The following ANXA13 variants were observed in gnomAD, a reference collection of about 807,000 sequenced individuals.
ANXA13 encodes the protein annexin XIII.
A neutral mutation model predicts 46.6 loss-of-function variants in ANXA13; 36 were observed. The ratio of observed to expected loss-of-function variants is 0.77; its 90% CI spans 0.59 to 1.02. ANXA13 has a LOEUF of 1.02. ANXA13 is among the 50% of genes least tolerant of loss of function. The pLI is 0.00. For synonymous variants in ANXA13, 163 were observed against 152.9 expected (o/e 1.07, Z -0.49); for missense variants, 417 against 396.5 (o/e 1.05, Z -0.44).
intron 10 of ANXA13, among the ~76,000 whole-genome samples, chr8:123,684,070 T>C (rs892651278): frequency 6.6e-6 from 1 of 152,228 alleles, no homozygotes; most frequent in Admixed American, 6.5e-5. Flanking sequence ...GTATTATCTC[T>C]GGTGTTAACA....
At chr8:123,684,827 G>T in intron 9 of ANXA13, 105 bp from the exon 10 acceptor site, 3 of 779,070 alleles carry the variant, frequency 3.9e-6, no homozygotes, top group Non-Finnish European at 4.5e-6. Context: ...TGACTGGATG[G>T]TGAGACAGAG....
chr8:123,683,694 C>A (rs986664444), intron 10 of ANXA13, among the ~76,000 whole-genome samples: 2 of 149,906 alleles, frequency 1.3e-5, no homozygotes, highest in African/African-American at 4.9e-5. Context: ...TCAAGCAATT[C>A]TCATGCCTCA....
At chr8:123,730,066 C>A (rs1814084531) in intron 1 of ANXA13, among the ~76,000 whole-genome samples, 1 of 152,182 alleles carries the variant, frequency 6.6e-6, no homozygotes, top group African/African-American at 2.4e-5. Flanking sequence ...TGACTCAGAT[C>A]TACCTTCTCC....
At chr8:123,718,863 C>G (rs1165464853) in intron 1 of ANXA13, among the ~76,000 whole-genome samples, 1 of 152,214 alleles carries the variant, frequency 6.6e-6, no homozygotes, top group East Asian at 1.9e-4. Context: ...TGCAACAGAG[C>G]AGATTGCCCA....
chr8:123,735,886 T>TA lies in ANXA13; in HGVS notation c.15+1433dup, dbSNP rs201099803. The TA allele has an allele frequency of 4.1e-4, 633 of 1,552,346 alleles. 1 individual carries two copies. Among genetic ancestry groups the TA allele is most frequent in the Middle Eastern group, 1.4e-3 (8 of 5,792 alleles). The stretch of plus-strand genomic sequence containing the variant: ...AGGGTGTACGACTGGCTCTGAGGAT[T>TA]AAAAAAAAATACATAAAAATGCTGG... On this transcript the variant is annotated intron_variant, in intron 1 of 10. Coordinates refer to ENST00000419625, the MANE Select transcript of ANXA13 (RefSeq NM_004306.4).
intron 1 of ANXA13, 138 bp downstream of exon 1, chr8:123,737,182 G>A: frequency 1.2e-6 from 1 of 834,666 alleles, no homozygotes; most frequent in Non-Finnish European, 1.9e-6. Flanking sequence ...TAAAAGCATG[G>A]TATGCTGTTG....
At position 123,704,409 on chromosome 8, in the gene ANXA13, A is replaced by T. The variant is rs1036585966; in HGVS notation, c.92-1673T>A. On this transcript the variant is annotated intron_variant, in intron 2 of 10. Transcript: ENST00000419625. ...CATTTGAATTCTGCAGTCGGGAATT[A>T]TTTTTTTTTTTTGAGACAGGGTCTG... Among the ~76,000 whole-genome samples the T allele has an allele frequency of 4.1e-5, 6 of 146,556 alleles. No homozygotes were observed. The South Asian group carries it at 6.5e-4, about 16-fold the overall frequency.
intron 1 of ANXA13, among the ~76,000 whole-genome samples, chr8:123,729,698 C>T (rs1310382398): frequency 1.3e-5 from 2 of 152,082 alleles, no homozygotes; most frequent in Non-Finnish European, 2.9e-5. Flanking sequence ...AGCTTGGGTC[C>T]CTAATGATGT....
chr8:123,693,866 AGAGGT>A, intron 6 of ANXA13, 87 bp from the exon 7 acceptor site: 7 of 1,241,362 alleles, frequency 5.6e-6, no homozygotes, highest in Non-Finnish European at 8.2e-6. Context: ...TCCTGGAGAA[AGAGGT>A]GAATTCTTTC....
In ANXA13 at chr8:123,681,258, T is replaced by C; in HGVS notation, c.933A>G (p.Leu311=). Residue 311 remains leucine (L), a synonymous_variant, in exon 11 of 11, where the codon CTA becomes CTG. Coordinates refer to ENST00000419625, the MANE Select transcript of ANXA13 (RefSeq NM_004306.4). ...SDTSGDFRKL[L]VALLH is the part of the protein sequence containing the mutation. ...GCTTGGCTCAGTGCAAGAGGGCTACTAGCAGTTTCCGGAAGTCCCCGGAGG... is the reference window on the plus strand; with the variant it reads ...GCTTGGCTCAGTGCAAGAGGGCTACCAGCAGTTTCCGGAAGTCCCCGGAGG... 1 of 1,614,014 alleles carries C rather than the reference T, an allele frequency of 6.2e-7. No homozygotes were observed. Among genetic ancestry groups the C allele is most frequent in the Non-Finnish European group, 8.5e-7 (1 of 1,179,930 alleles).
chr8:123,684,708 C>T lies in ANXA13; in HGVS notation c.733G>A (p.Asp245Asn), dbSNP rs146740891. 1.2e-6 allele frequency: 2 copies of T among 1,613,252 alleles called. No homozygotes were observed. Among genetic ancestry groups the T allele is most frequent in the Middle Eastern group, 1.7e-4 (1 of 6,058 alleles). ...CGTTCAGCAAAATAGTCCTCACAAT[C>T]CTGGGCACATCTCACTGGGCAGGAC... ...AYLTLVRCAQDCEDYFAERLY... is the reference protein window; with the variant it reads ...AYLTLVRCAQNCEDYFAERLY... Residue 245 changes from aspartate to asparagine, a missense_variant, in exon 10 of 11, where the codon GAT (aspartate) becomes AAT (asparagine). By Grantham distance (23) the Asp-to-Asn change is conservative. Transcript: ENST00000419625.
At chr8:123,732,017 G>A (rs905935640) in intron 1 of ANXA13, among the ~76,000 whole-genome samples, 7 of 152,182 alleles carry the variant, frequency 4.6e-5, no homozygotes, top group African/African-American at 1.7e-4. Context: ...AAAGCTCAGG[G>A]AAGGGGCTAA....
intron 2 of ANXA13, among the ~76,000 whole-genome samples, chr8:123,707,152 G>A (rs1297826204): frequency 3.3e-5 from 5 of 152,204 alleles, no homozygotes; most frequent in African/African-American, 4.8e-5. Flanking sequence ...CTGAATGAAC[G>A]GATGCTTAAA....
chr8:123,700,249 T>C (rs1813417313), intron 3 of ANXA13, among the ~76,000 whole-genome samples: 1 of 30,704 alleles, frequency 3.3e-5, no homozygotes, highest in Admixed American at 2.8e-4. Flanking sequence ...AGATGGGCAT[T>C]ATATAAGCTG....
chr8:123,717,837 AC>A (rs779517405), intron 1 of ANXA13, among the ~76,000 whole-genome samples: 1 of 152,254 alleles, frequency 6.6e-6, no homozygotes, highest in Non-Finnish European at 1.5e-5. Flanking sequence ...TCCACACCTT[AC>A]GTAACCACGC....
At chr8:123,734,637 A>G (rs1220859322) in intron 1 of ANXA13, among the ~76,000 whole-genome samples, 2 of 151,830 alleles carry the variant, frequency 1.3e-5, no homozygotes, top group African/African-American at 4.8e-5. Context: ...TTTCCTGGCC[A>G]ATATTCTACT....
Position 123,708,351 on chromosome 8 carries a change from G to A in ANXA13, c.91+4327C>T, listed in dbSNP as rs200502700. On this transcript the variant is annotated intron_variant, in intron 2 of 10. Transcript: ENST00000419625. ...TACCGAGTCACATTTCAGCAGGAAGGGGGCTCCAGACAGGGTGGGAAGCCC... is the reference window on the plus strand; with the variant it reads ...TACCGAGTCACATTTCAGCAGGAAGAGGGCTCCAGACAGGGTGGGAAGCCC... 1.1e-4 allele frequency among the ~76,000 whole-genome samples: 17 copies of A among 152,178 alleles called. No homozygotes were observed. In the East Asian group the frequency reaches 2.3e-3, roughly 21 times the overall value.
chr8:123,733,344 T>A (rs1046107531), intron 1 of ANXA13, among the ~76,000 whole-genome samples: 1 of 152,142 alleles, frequency 6.6e-6, no homozygotes, highest in Admixed American at 6.5e-5. Context: ...GTTAAGACCA[T>A]ACTTATTTTA....
intron 2 of ANXA13, among the ~76,000 whole-genome samples, chr8:123,709,255 A>G (rs192894408): frequency 1.3e-5 from 2 of 152,248 alleles, no homozygotes; most frequent in East Asian, 3.9e-4. Context: ...TCTCCATGTG[A>G]GGAGACATTG....
Sources: allele counts gnomAD v4.1 joint callset (sites outside exome capture counted in the v4.1 genomes callset), GRCh38; gene constraint gnomAD v4.1.1; transcripts MANE v1.5; gene names NCBI Gene and HGNC (gene_info 2026-07-23, HGNC 2026-07-21).